Variants in RPAP3 observed in about 807,000 individuals in gnomAD.
The protein encoded by RPAP3 is RNA polymerase II associated protein 3.
Under a neutral mutation model 88.8 loss-of-function variants are expected in RPAP3, and 58 were observed. The observed-to-expected ratio is 0.65, with a 90% CI of 0.53 to 0.81. RPAP3 has a LOEUF of 0.81. RPAP3 is among the 40% of genes least tolerant of loss of function. The pLI is 0.00. For missense variants in RPAP3, 751 were observed against 764.3 expected (o/e 0.98, Z 0.20); for synonymous variants, 255 against 259.9 (o/e 0.98, Z 0.18).
intron 13 of RPAP3, among the ~76,000 whole-genome samples, chr12:47,669,486 C>A (rs1463789593): frequency 6.6e-6 from 1 of 151,966 alleles, no homozygotes; most frequent in African/African-American, 2.4e-5. Context: ...AAAAAAACTG[C>A]CTATATAGTA....
At position 47,668,900 on chromosome 12, in the gene RPAP3, C is replaced by A. The variant is rs149217194; in HGVS notation, c.1713+16G>T. The A allele has an allele frequency of 1.7e-3, 2,715 of 1,591,382 alleles. 5 individuals are homozygous for A. The highest frequency in any genetic ancestry group is 2.2e-3 in the Non-Finnish European group (2,552 of 1,159,498). On this transcript the variant is annotated intron_variant, in intron 14 of 16. Coordinates refer to ENST00000005386, the MANE Select transcript of RPAP3 (RefSeq NM_024604.3). The stretch of plus-strand genomic sequence containing the variant: ...CCTTTTACTTACAACAGAAGTACTA[C>A]CTTCCTCTCTCTTACCTTTAAATAC...
chr12:47,692,295 C>T (rs1939444097), intron 5 of RPAP3, among the ~76,000 whole-genome samples: 1 of 152,248 alleles, frequency 6.6e-6, no homozygotes, highest in Non-Finnish European at 1.5e-5. Context: ...TGTCTTCTAA[C>T]AGAAGGCTGT....
At chr12:47,694,149 G>A (rs1211464242) in intron 5 of RPAP3, among the ~76,000 whole-genome samples, 4 of 152,188 alleles carry the variant, frequency 2.6e-5, no homozygotes, top group Non-Finnish European at 5.9e-5. Flanking sequence ...AAAGGTAGGA[G>A]AATATGCAGT....
chr12:47,665,551 T>C (rs1298156691), intron 16 of RPAP3, among the ~76,000 whole-genome samples: 1 of 151,148 alleles, frequency 6.6e-6, no homozygotes, highest in African/African-American at 2.4e-5. Context: ...GGAACATTTC[T>C]GGTTAACTAA....
At position 47,689,100 on chromosome 12, in the gene RPAP3, C is replaced by T. The variant is rs559672756; in HGVS notation, c.738+25G>A. ...TTCTTCAAATAAAGGTCATAATACA[C>T]TTAATTTAAATAACTATAGTTTACC... On this transcript the variant is annotated intron_variant, in intron 7 of 16. Coordinates refer to ENST00000005386, the MANE Select transcript of RPAP3 (RefSeq NM_024604.3). 2.8e-6 allele frequency: 3 copies of T among 1,085,202 alleles called. 1 individual carries two copies. The highest frequency in any genetic ancestry group is 4.0e-5 in the Admixed American group (2 of 49,598). The allele number at this position is 1,085,202 out of a possible 1,614,324, so 67.2% of individuals were successfully genotyped here.
chr12:47,696,732 A>G (rs73104148), intron 4 of RPAP3, among the ~76,000 whole-genome samples: 9,176 of 152,322 alleles, frequency 0.06, 350 homozygotes, highest in Middle Eastern at 0.12. Context: ...AAATGTTCTA[A>G]TAACATTTTC....
At chr12:47,689,560 A>T (rs1939388033) in intron 6 of RPAP3, among the ~76,000 whole-genome samples, 1 of 152,134 alleles carries the variant, frequency 6.6e-6, no homozygotes, top group Admixed American at 6.5e-5. Flanking sequence ...GTTAGTCTCA[A>T]ACTCCTGGCC....
At chr12:47,679,288 C>T (rs1175053370) in intron 12 of RPAP3, among the ~76,000 whole-genome samples, 1 of 152,034 alleles carries the variant, frequency 6.6e-6, no homozygotes, top group Non-Finnish European at 1.5e-5. Flanking sequence ...AGGAGAAATA[C>T]CTAATGTAAA....
chr12:47,677,046 G>A (rs932339934), intron 12 of RPAP3, among the ~76,000 whole-genome samples: 1 of 152,132 alleles, frequency 6.6e-6, no homozygotes, highest in African/African-American at 2.4e-5. Context: ...TATCCACCAC[G>A]ATCAAGCTGG....
chr12:47,681,874 AT>A, intron 9 of RPAP3, 57 bp from the exon 10 acceptor site: 1 of 1,478,088 alleles, frequency 6.8e-7, no homozygotes, highest in Non-Finnish European at 9.0e-7. Flanking sequence ...GAAAAATGTC[AT>A]ATAAACTAAG....
chr12:47,700,294 C>T (rs1939631479), intron 3 of RPAP3: 1 of 152,132 alleles, frequency 6.6e-6, no homozygotes. Context: ...GTGGTTACCT[C>T]TGGGAGTAGA....
chr12:47,666,217 T>C (rs931855639), intron 16 of RPAP3, among the ~76,000 whole-genome samples: 1 of 152,212 alleles, frequency 6.6e-6, no homozygotes, highest in Non-Finnish European at 1.5e-5. Context: ...ATAGTGCAAT[T>C]TTACTTTAAT....
At position 47,687,978 on chromosome 12, in the gene RPAP3, TG is replaced by T; in HGVS notation, c.761del (p.Ser254TyrfsTer8). The T allele has an allele frequency of 6.2e-7, 1 of 1,613,282 alleles. No individual in the cohort carries two copies. Among genetic ancestry groups the T allele is most frequent in the South Asian group, 1.1e-5 (1 of 91,028 alleles). Reference protein sequence around the residue: ...ISQALASKENSYPKEADIVIK... With the variant: ...ISQALASKENXYPKEADIVIK... ...TCACTATGTCAGCTTCCTTTGGATATGAGTTTTCTTTGGATGCTAAAGCCTA... is the reference window on the plus strand; with the variant it reads ...TCACTATGTCAGCTTCCTTTGGATATAGTTTTCTTTGGATGCTAAAGCCTA... On this transcript the variant is annotated frameshift_variant, in exon 8 of 17. Coordinates refer to ENST00000005386, the MANE Select transcript of RPAP3 (RefSeq NM_024604.3). LOFTEE classifies it high-confidence loss of function.
intron 1 of RPAP3, among the ~76,000 whole-genome samples, chr12:47,704,230 T>C (rs1314358521): frequency 6.6e-6 from 1 of 152,140 alleles, no homozygotes; most frequent in East Asian, 1.9e-4. Flanking sequence ...CAGTAGCACC[T>C]AGACAGTTGG....
At chr12:47,698,904 G>GA (rs1321675598) in intron 3 of RPAP3, among the ~76,000 whole-genome samples, 2 of 152,026 alleles carry the variant, frequency 1.3e-5, no homozygotes, top group South Asian at 2.1e-4. Flanking sequence ...ATTTACGTAG[G>GA]AAAAAAATTG....
chr12:47,686,205 T>C (rs996979976), intron 9 of RPAP3, among the ~76,000 whole-genome samples: 3 of 152,214 alleles, frequency 2.0e-5, no homozygotes, highest in Non-Finnish European at 4.4e-5. Flanking sequence ...ATTCTACTGA[T>C]TGTCCAACTT....
At chr12:47,689,300 A>G (rs2136632545) in intron 6 of RPAP3, 105 bp from the exon 7 acceptor site, 1 of 547,024 alleles carries the variant, frequency 1.8e-6, no homozygotes, top group African/African-American at 2.0e-5. Context: ...ACTGTCCTAC[A>G]GCAAAATAAA....
At chr12:47,682,108 C>T (rs1364435476) in intron 9 of RPAP3, among the ~76,000 whole-genome samples, 2 of 152,140 alleles carry the variant, frequency 1.3e-5, no homozygotes, top group East Asian at 3.8e-4. Flanking sequence ...GCCACTGCTT[C>T]TCTGCCTACC....
intron 10 of RPAP3, among the ~76,000 whole-genome samples, chr12:47,680,062 A>G (rs558373447): frequency 1.9e-4 from 29 of 152,326 alleles, no homozygotes; most frequent in African/African-American, 5.8e-4. Context: ...TAAACAAATG[A>G]CAGAGTAACT....
Sources: allele counts gnomAD v4.1 joint callset (sites outside exome capture counted in the v4.1 genomes callset), GRCh38; gene constraint gnomAD v4.1.1; transcripts MANE v1.5; gene names NCBI Gene and HGNC (gene_info 2026-07-23, HGNC 2026-07-21).